The following TRAM1 variants were observed in gnomAD, a reference collection of about 807,000 sequenced individuals.
TRAM1 encodes translocating chain-associated membrane protein 1.
Under a neutral mutation model 48.7 loss-of-function variants are expected in TRAM1, and 17 were observed. The ratio of observed to expected loss-of-function variants is 0.35; its 90% CI spans 0.24 to 0.52. TRAM1 has a LOEUF of 0.52. Ranked by LOEUF, TRAM1 falls within the 20% of genes least tolerant of loss-of-function variation. The pLI is 0.94. For synonymous variants in TRAM1, 182 were observed against 154.0 expected (o/e 1.18, Z -1.34); for missense variants, 351 against 441.5 (o/e 0.79, Z 1.84).
rs1817227338 is a variant in TRAM1 at position 70,586,637 on chromosome 8, G to A, written c.746+258C>T. On this transcript the variant is annotated intron_variant, in intron 8 of 10. Coordinates refer to ENST00000262213, the MANE Select transcript of TRAM1 (RefSeq NM_014294.6). ...AAAGAAAAACCATGCAACAAACAAA[G>A]TAAAAGTTATAACAGAAAAGTAAAC... is the stretch of plus-strand genomic sequence containing the variant. Among the ~76,000 whole-genome samples the A allele has an allele frequency of 2.6e-5, 4 of 152,014 alleles. No homozygotes were observed. In the South Asian group the frequency reaches 8.3e-4, roughly 31 times the overall value.
chr8:70,589,886 A>G (rs567381697), intron 6 of TRAM1, among the ~76,000 whole-genome samples: 1 of 152,328 alleles, frequency 6.6e-6, no homozygotes, highest in East Asian at 1.9e-4. Context: ...ATATTTTGTT[A>G]TTTAATATAC....
In TRAM1 at chr8:70,602,127, G is replaced by A. The variant is rs186615598; in HGVS notation, c.124-2045C>T. Among the ~76,000 whole-genome samples the A allele has an allele frequency of 3.2e-3, 487 of 152,276 alleles. 2 individuals are homozygous for A. The highest frequency in any genetic ancestry group is 5.1e-3 in the Non-Finnish European group (345 of 68,022). On this transcript the variant is annotated intron_variant, in intron 1 of 10. Coordinates refer to ENST00000262213, the MANE Select transcript of TRAM1 (RefSeq NM_014294.6). ...AGCCAAAGGGGAAACATTTCTAAAA[G>A]GTGTGGTTAATAAAGTCAAAAGTTT...
intron 10 of TRAM1, among the ~76,000 whole-genome samples, chr8:70,577,224 C>A (rs1816975751): frequency 6.6e-6 from 1 of 152,094 alleles, no homozygotes; most frequent in Non-Finnish European, 1.5e-5. Context: ...CTGTAGGCAC[C>A]CCTTGGCATG....
intron 6 of TRAM1, among the ~76,000 whole-genome samples, chr8:70,591,863 T>C (rs1229790246): frequency 6.6e-6 from 1 of 152,028 alleles, no homozygotes; most frequent in Non-Finnish European, 1.5e-5. Context: ...TAAGGTCTAA[T>C]GAAGGAACCA....
chr8:70,578,120 C>T (rs191184943), intron 10 of TRAM1, among the ~76,000 whole-genome samples: 16 of 152,312 alleles, frequency 1.1e-4, no homozygotes, highest in East Asian at 3.9e-4. Context: ...ATGAGCCCAG[C>T]GGATGCAAGC....
intron 1 of TRAM1, among the ~76,000 whole-genome samples, chr8:70,603,788 A>C (rs1233797291): frequency 6.6e-6 from 1 of 152,224 alleles, no homozygotes; most frequent in African/African-American, 2.4e-5. Flanking sequence ...TAAAAGCAGC[A>C]AAAATTAGAT....
At chr8:70,592,641 C>T (rs1233845774) in intron 6 of TRAM1, among the ~76,000 whole-genome samples, 1 of 152,106 alleles carries the variant, frequency 6.6e-6, no homozygotes, top group East Asian at 1.9e-4. Context: ...TCTTACTTAC[C>T]ATAGTCAATG....
intron 1 of TRAM1, among the ~76,000 whole-genome samples, chr8:70,606,135 G>T (rs1165876160): frequency 1.3e-5 from 2 of 152,154 alleles, no homozygotes; most frequent in East Asian, 3.8e-4. Context: ...ACTACTTTAA[G>T]GTCAAAGCAG....
chr8:70,581,524 T>C (rs1198112939), intron 10 of TRAM1, among the ~76,000 whole-genome samples: 3 of 152,146 alleles, frequency 2.0e-5, no homozygotes, highest in African/African-American at 7.2e-5. Context: ...GAGTGTAAAA[T>C]AGTATAACCA....
chr8:70,587,209 C>T (rs1817242993), intron 6 of TRAM1, 33 bp from the exon 7 acceptor site: 1 of 1,596,308 alleles, frequency 6.3e-7, no homozygotes, highest in Non-Finnish European at 8.6e-7. Context: ...TTAAAACATG[C>T]TAAAACATTT....
rs777582449 is a variant in TRAM1 at position 70,596,300 on chromosome 8, T to C, written c.448A>G (p.Thr150Ala). 3.1e-6 allele frequency: 5 copies of C among 1,600,710 alleles called. No homozygotes were observed. The highest frequency in any genetic ancestry group is 1.7e-5 in the Admixed American group (1 of 57,434). The change falls in exon 5 of 11, where the codon ACT becomes GCT. Residue 150 changes from threonine (T) to alanine (A), a missense_variant. Physicochemically the swap from Thr to Ala is moderately conservative, Grantham distance 58. Coordinates refer to ENST00000262213, the MANE Select transcript of TRAM1 (RefSeq NM_014294.6). ...TGGGGATAAGCCCTCCATAAGATAG[T>C]TGGGTCTGAGATGTAGTTTTCCTAA... ...LISENYISDP[T>A]ILWRAYPHNL...
chr8:70,603,003 T>C (rs1044611975), intron 1 of TRAM1, among the ~76,000 whole-genome samples: 1 of 152,106 alleles, frequency 6.6e-6, no homozygotes. Context: ...CAGGCTTGCA[T>C]GACAAACTGC....
At chr8:70,597,263 TAAG>T (rs1213644070) in intron 4 of TRAM1, among the ~76,000 whole-genome samples, 1 of 152,234 alleles carries the variant, frequency 6.6e-6, no homozygotes, top group African/African-American at 2.4e-5. Context: ...ATACAACATT[TAAG>T]AAGCTTGGAA....
At chr8:70,587,360 GTTCT>G (rs1817246068) in intron 6 of TRAM1, among the ~76,000 whole-genome samples, 184 bp from the exon 7 acceptor site, 1 of 152,126 alleles carries the variant, frequency 6.6e-6, no homozygotes, top group African/African-American at 2.4e-5. Context: ...GCTCATTTCT[GTTCT>G]TTAAGAGTAA....
chr8:70,574,858 A>G lies in TRAM1; in HGVS notation c.*74T>C. 9.3e-7 allele frequency: 1 copy of G among 1,076,316 alleles called. No homozygotes were observed. The highest frequency in any genetic ancestry group is 1.4e-5 in the South Asian group (1 of 72,184). 66.7% of individuals were successfully genotyped at this position (1,076,316 alleles called of 1,614,324 possible). On this transcript the variant is annotated 3_prime_UTR_variant, in exon 11 of 11. Transcript: ENST00000262213. The stretch of plus-strand genomic sequence containing the variant: ...CACAGACTGTATTTTCAAGAACAGA[A>G]AAATCTCTAATGCTGAAAGATATAG...
In TRAM1 at chr8:70,593,112, T is replaced by C. The variant is rs1202363158; in HGVS notation, c.570+1394A>G. On this transcript the variant is annotated intron_variant, in intron 6 of 10. Coordinates refer to ENST00000262213, the MANE Select transcript of TRAM1 (RefSeq NM_014294.6). ...GTCTTCATCCTATTCCTTATCAATA[T>C]AGCTGGAGAAACAATCTACTTTATA... Among the ~76,000 whole-genome samples the C allele has an allele frequency of 3.3e-5, 5 of 152,256 alleles. No individual in the cohort carries two copies. In the South Asian group the frequency reaches 8.3e-4, roughly 25 times the overall value.
At chr8:70,606,552 G>A (rs1390874310) in intron 1 of TRAM1, among the ~76,000 whole-genome samples, 1 of 152,180 alleles carries the variant, frequency 6.6e-6, no homozygotes, top group Non-Finnish European at 1.5e-5. Context: ...AAAAATGGCT[G>A]TGAGGAGAAC....
intron 1 of TRAM1, among the ~76,000 whole-genome samples, chr8:70,600,381 T>G (rs1224556039): frequency 6.6e-6 from 1 of 152,154 alleles, no homozygotes; most frequent in African/African-American, 2.4e-5. Context: ...TTCTCTACTC[T>G]AGCCCTATAC....
intron 8 of TRAM1, among the ~76,000 whole-genome samples, chr8:70,585,148 T>C (rs1221311515): frequency 6.6e-6 from 1 of 152,224 alleles, no homozygotes; most frequent in Non-Finnish European, 1.5e-5. Context: ...CATCTGATCT[T>C]TGACAAACCT....
Sources: allele counts gnomAD v4.1 joint callset (sites outside exome capture counted in the v4.1 genomes callset), GRCh38; gene constraint gnomAD v4.1.1; transcripts MANE v1.5; gene names NCBI Gene and HGNC (gene_info 2026-07-23, HGNC 2026-07-21).